Variants in PIK3CD observed in about 807,000 individuals in gnomAD.
PIK3CD encodes phosphatidylinositol-4,5-bisphosphate 3-kinase catalytic subunit delta.
In PIK3CD, 20 loss-of-function variants were observed where a neutral mutation model predicts 122.9. The observed-to-expected ratio is 0.16, with a 90% CI of 0.11 to 0.24. The LOEUF (loss-of-function observed/expected upper bound fraction) is 0.24. Ranked by LOEUF, PIK3CD falls within the 10% of genes least tolerant of loss-of-function variation. The pLI is 1.00. For missense variants in PIK3CD, 787 were observed against 1,406.3 expected (o/e 0.56, Z 7.04); for synonymous variants, 596 against 593.4 (o/e 1.00, Z -0.06).
Position 9,719,991 on chromosome 1 carries a change from G to A in PIK3CD, c.1313G>A (p.Cys438Tyr). The stretch of plus-strand genomic sequence containing the variant: ...GACCAGCTTAAGACCGGGGAACGCT[G>A]CCTCTACATGTGGCCCTCCGTCCCA... ...YKDQLKTGER[C>Y]LYMWPSVPDE... Residue 438 changes from cysteine (C) to tyrosine (Y), a missense_variant, in exon 10 of 24, where the codon TGC (cysteine) becomes TAC (tyrosine). This residue lies in a region of PIK3CD where 592 missense variants were observed against 920.6 expected (regional missense o/e 0.64). Transcript: ENST00000377346. The surrounding 1 kb of genome is among the most constrained non-coding windows in gnomAD (Gnocchi z 5.5). 1 of 1,613,722 alleles carries A rather than the reference G, an allele frequency of 6.2e-7. No individual in the cohort carries two copies. Among genetic ancestry groups the A allele is most frequent in the Non-Finnish European group, 8.5e-7 (1 of 1,180,022 alleles).
rs1649136563 is a variant in PIK3CD, at chr1:9,724,225, T to A, written c.2719-51T>A. 1.9e-6 allele frequency: 3 copies of A among 1,613,270 alleles called. 1 individual carries two copies. The South Asian group carries it at 3.3e-5, about 18-fold the overall frequency. Reference sequence around the variant, plus strand: ...CTGGCTTCCTGTCTCCCCTGGATTCTCTCCTGTCTGACACCTTCTCAATCC... The same window carrying A: ...CTGGCTTCCTGTCTCCCCTGGATTCACTCCTGTCTGACACCTTCTCAATCC... On this transcript the variant is annotated intron_variant, in intron 21 of 23. Coordinates refer to ENST00000377346, the MANE Select transcript of PIK3CD (RefSeq NM_005026.5). This position sits in a 1 kb window ranked among gnomAD's most constrained non-coding sequence, Gnocchi z 7.3.
intron 1 of PIK3CD, among the ~76,000 whole-genome samples, chr1:9,690,947 G>A (rs559069477): frequency 6.6e-6 from 1 of 152,044 alleles, no homozygotes; most frequent in African/African-American, 2.4e-5. Flanking sequence ...TGAGGTGGGG[G>A]AAGAAGCACC....
At position 9,723,878 on chromosome 1, in the gene PIK3CD, C is replaced by A; in HGVS notation, c.2595-91C>A. On this transcript the variant is annotated intron_variant, in intron 20 of 23. Transcript: ENST00000377346. This position sits in a 1 kb window ranked among gnomAD's most constrained non-coding sequence, Gnocchi z 4.9. The stretch of plus-strand genomic sequence containing the variant: ...TGTTGGTCAAAGCAAGTCACAGGGC[C>A]AGATTCAAGGGGAGAGGGAGTAATA... The A allele has an allele frequency of 2.5e-6, 3 of 1,196,578 alleles. No individual in the cohort carries two copies. The highest frequency in any genetic ancestry group is 3.7e-6 in the Non-Finnish European group (3 of 814,618). 74.1% of individuals were successfully genotyped at this position (1,196,578 alleles called of 1,614,324 possible).
rs199754221 is a variant in PIK3CD at position 9,722,004 on chromosome 1, G to A, written c.2085G>A (p.Leu695=). ...QGEALSKLKA[L]NDFVKLSSQK... ...AAGCACTGAGCAAACTGAAGGCCCT[G>A]AATGACTTCGTCAAGCTGAGCTCTC... The change falls in exon 17 of 24, where the codon CTG becomes CTA. Residue 695 remains leucine, a synonymous_variant. Transcript: ENST00000377346. The surrounding 1 kb of genome is among the most constrained non-coding windows in gnomAD (Gnocchi z 7.6). The A allele has an allele frequency of 8.7e-6, 14 of 1,613,694 alleles. No individual in the cohort carries two copies. The East Asian group carries it at 2.7e-4, about 31-fold the overall frequency.
intron 2 of PIK3CD, among the ~76,000 whole-genome samples, chr1:9,696,865 G>T (rs149584438): frequency 4.5e-4 from 69 of 152,126 alleles, no homozygotes; most frequent in African/African-American, 1.6e-3. Flanking sequence ...GGAAGCCAAG[G>T]CAGGAGGATC....
In PIK3CD at chr1:9,704,858, T is replaced by G. The variant is rs557911836; in HGVS notation, c.-32-5566T>G. Among the ~76,000 whole-genome samples, 1 of 152,314 alleles carries G rather than the reference T, an allele frequency of 6.6e-6. No individual in the cohort carries two copies. The highest frequency in any genetic ancestry group is 6.5e-5 in the Admixed American group (1 of 15,300). On this transcript the variant is annotated intron_variant, in intron 2 of 23. Coordinates refer to ENST00000377346, the MANE Select transcript of PIK3CD (RefSeq NM_005026.5). This position sits in a 1 kb window ranked among gnomAD's most constrained non-coding sequence, Gnocchi z 5.0. ...CAAAAGGAAGACTTTGGCTTGGCCATTCTCAGCAAGAGGAACCCAAAGTAG... is the reference window on the plus strand; with the variant it reads ...CAAAAGGAAGACTTTGGCTTGGCCAGTCTCAGCAAGAGGAACCCAAAGTAG...
At chr1:9,638,174 G>A in the PIK3CD span, among the ~76,000 whole-genome samples, 5 of 152,134 alleles carry the variant, frequency 3.3e-5, no homozygotes, top group African/African-American at 1.2e-4. Context: ...AGCAGTGGAT[G>A]CAAGCAGAGG....
At chr1:9,672,011 G>T (rs879872660) in intron 1 of PIK3CD, among the ~76,000 whole-genome samples, 6 of 152,108 alleles carry the variant, frequency 3.9e-5, no homozygotes, top group African/African-American at 1.4e-4. Context: ...CTTGTGCTGC[G>T]GGTTCCCAGG....
At chr1:9,638,106 CA>C in the PIK3CD span, among the ~76,000 whole-genome samples, 1 of 148,178 alleles carries the variant, frequency 6.7e-6, no homozygotes, top group Admixed American at 7.0e-5. Flanking sequence ...GACTCTGTCT[CA>C]AAATAAATAA....
the PIK3CD span, among the ~76,000 whole-genome samples, chr1:9,641,631 C>T: frequency 2.6e-5 from 4 of 151,972 alleles, no homozygotes; most frequent in African/African-American, 7.3e-5. Flanking sequence ...GCCACCTCTG[C>T]GCTGTCTGCT....
At chr1:9,681,569 T>C (rs1228767146) in intron 1 of PIK3CD, among the ~76,000 whole-genome samples, 2 of 152,068 alleles carry the variant, frequency 1.3e-5, no homozygotes, top group Admixed American at 1.3e-4. Context: ...CGTGCGCCAC[T>C]AGTTTCTGTA....
At chr1:9,672,732 C>T (rs1332625376) in intron 1 of PIK3CD, 3 of 152,028 alleles carry the variant, frequency 2.0e-5, no homozygotes, top group Non-Finnish European at 4.4e-5. Flanking sequence ...GGTGGAGAAA[C>T]GAATAGTTTA....
At chr1:9,673,064 G>A (rs992886292) in intron 1 of PIK3CD, among the ~76,000 whole-genome samples, 3 of 150,782 alleles carry the variant, frequency 2.0e-5, no homozygotes, top group East Asian at 3.9e-4. Context: ...TGTATGAGGC[G>A]TACATGCAAC....
the PIK3CD span, among the ~76,000 whole-genome samples, chr1:9,633,783 T>C: frequency 1.3e-5 from 2 of 152,124 alleles, no homozygotes; most frequent in African/African-American, 4.8e-5. Context: ...TTTTTTTCTC[T>C]AATTTCTCTT....
At chr1:9,645,768 G>A in the PIK3CD span, among the ~76,000 whole-genome samples, 1 of 151,808 alleles carries the variant, frequency 6.6e-6, no homozygotes, top group Non-Finnish European at 1.5e-5. Flanking sequence ...ACCATGCTCA[G>A]CTAATTTTTT....
At chr1:9,656,304 C>T (rs1011403159) in intron 1 of PIK3CD, among the ~76,000 whole-genome samples, 3 of 152,124 alleles carry the variant, frequency 2.0e-5, no homozygotes, top group Admixed American at 1.3e-4. Flanking sequence ...ATATGCTTAC[C>T]AACTGACCAT....
At chr1:9,687,441 C>A (rs914816036) in intron 1 of PIK3CD, 4 of 152,390 alleles carry the variant, frequency 2.6e-5, no homozygotes, top group African/African-American at 9.7e-5. Flanking sequence ...AAATCCCCGC[C>A]CTGGGGGGGT....
In PIK3CD at chr1:9,720,930, G is replaced by C. The variant is rs1171069276; in HGVS notation, c.1689+21G>C. 3 of 1,564,562 alleles carry C rather than the reference G, an allele frequency of 1.9e-6. No individual in the cohort carries two copies. Among genetic ancestry groups the C allele is most frequent in the Non-Finnish European group, 1.7e-6 (2 of 1,155,240 alleles). On this transcript the variant is annotated intron_variant, in intron 13 of 23. Transcript: ENST00000377346. This position sits in a 1 kb window ranked among gnomAD's most constrained non-coding sequence, Gnocchi z 9.0. ...CCCAGGTGGGTGGGGAGGCGCACCTGGGGGCGGAGCTGGGGGCAGACCACA... is the reference window on the plus strand; with the variant it reads ...CCCAGGTGGGTGGGGAGGCGCACCTCGGGGCGGAGCTGGGGGCAGACCACA...
chr1:9,687,595 G>GCCGGGGGCGGTCTCCAGCCCCCGGC (rs1570233785), intron 1 of PIK3CD: 1 of 151,986 alleles, frequency 6.6e-6, no homozygotes, highest in East Asian at 1.9e-4. Context: ...TGGGGGCGGG[G>GCCGGGGGCGGTCTCCAGCCCCCGGC]CCGGGGGCGG....
Sources: allele counts gnomAD v4.1 joint callset (sites outside exome capture counted in the v4.1 genomes callset), GRCh38; gene constraint gnomAD v4.1.1; regional missense constraint gnomAD v4.1.1; non-coding constraint Gnocchi (gnomAD v3.1); transcripts MANE v1.5; gene names NCBI Gene and HGNC (gene_info 2026-07-23, HGNC 2026-07-21).